Variants in KLRG1 observed in about 807,000 individuals in gnomAD.
KLRG1 encodes the protein killer cell lectin like receptor G1, also known as killer cell lectin-like receptor subfamily G member 1.
A neutral mutation model predicts 21.8 loss-of-function variants in KLRG1; 16 were observed. The ratio of observed to expected loss-of-function variants is 0.73; its 90% CI spans 0.50 to 1.11. The LOEUF (loss-of-function observed/expected upper bound fraction) is 1.11. KLRG1 is among the 50% of genes most tolerant of loss of function. KLRG1 has a pLI of 0.00. For synonymous variants in KLRG1, 69 were observed against 75.9 expected (o/e 0.91, Z 0.47); for missense variants, 173 against 218.3 (o/e 0.79, Z 1.31).
chr12:9,023,028 A>C, the KLRG1 span, among the ~76,000 whole-genome samples: 1 of 152,224 alleles, frequency 6.6e-6, no homozygotes, highest in Non-Finnish European at 1.5e-5. Context: ...ACAAATGAGT[A>C]AATGTTAAGT....
chr12:9,132,422 T>C, the KLRG1 span, among the ~76,000 whole-genome samples: 2 of 152,202 alleles, frequency 1.3e-5, no homozygotes, highest in African/African-American at 2.4e-5. Context: ...GACTGTGGCT[T>C]AGGGATTAGG....
At chr12:9,094,657 T>C in the KLRG1 span, among the ~76,000 whole-genome samples, 2 of 152,092 alleles carry the variant, frequency 1.3e-5, no homozygotes, top group African/African-American at 2.4e-5. Flanking sequence ...AACATAAATA[T>C]TGGCTGATGT....
chr12:9,151,288 GT>G, the KLRG1 span, among the ~76,000 whole-genome samples: 1 of 152,106 alleles, frequency 6.6e-6, no homozygotes, highest in Non-Finnish European at 1.5e-5. Flanking sequence ...ATCACTTCAA[GT>G]TTAATATTTA....
chr12:9,005,608 T>C (rs1421704691), intron 3 of KLRG1, among the ~76,000 whole-genome samples: 1 of 152,178 alleles, frequency 6.6e-6, no homozygotes, highest in Admixed American at 6.5e-5. Flanking sequence ...GGGAGAGTTA[T>C]GTTAAAGGAT....
At chr12:9,009,306 TG>T in intron 4 of KLRG1, 119 bp from the exon 5 acceptor site, 1 of 1,272,542 alleles carries the variant, frequency 7.9e-7, no homozygotes, top group Non-Finnish European at 1.1e-6. Flanking sequence ...TTCTGCTGTT[TG>T]GGGGAATTAG....
At chr12:9,118,179 G>A in the KLRG1 span, among the ~76,000 whole-genome samples, 1 of 152,150 alleles carries the variant, frequency 6.6e-6, no homozygotes, top group African/African-American at 2.4e-5. Flanking sequence ...AGAGGCTGGT[G>A]GTTGTTTCCT....
the KLRG1 span, chr12:9,192,057 T>C: frequency 1.4e-6 from 1 of 701,020 alleles, no homozygotes; most frequent in Non-Finnish European, 2.5e-6. Context: ...CAAAGAGTCA[T>C]AAGACGAGTA....
chr12:9,076,930 C>G, the KLRG1 span: 1 of 1,588,972 alleles, frequency 6.3e-7, no homozygotes, highest in Non-Finnish European at 8.6e-7. Context: ...TTGCGGACAA[C>G]AGGGTGCTGT....
chr12:9,155,123 TAG>T, the KLRG1 span, among the ~76,000 whole-genome samples: 1 of 152,214 alleles, frequency 6.6e-6, no homozygotes, highest in South Asian at 2.1e-4. Flanking sequence ...AGAAAAGTGG[TAG>T]AGAGAGTTCT....
chr12:9,047,716 C>T, the KLRG1 span, among the ~76,000 whole-genome samples: 1 of 151,982 alleles, frequency 6.6e-6, no homozygotes, highest in Non-Finnish European at 1.5e-5. Flanking sequence ...AAAAATATGC[C>T]AAGTTAACAC....
Position 9,009,855 on chromosome 12 carries a change from A to C in KLRG1, c.*318A>C. On this transcript the variant is annotated 3_prime_UTR_variant, in exon 5 of 5. Coordinates refer to ENST00000356986, the MANE Select transcript of KLRG1 (RefSeq NM_005810.4). ...CCCGTCCCAACCATCTCTGTCAAAA[A>C]TATACCTTTTTCATATGATATTCTG... is the stretch of plus-strand genomic sequence containing the variant. 1 of 1,471,176 alleles carries C rather than the reference A, an allele frequency of 6.8e-7. No homozygotes were observed. The highest frequency in any genetic ancestry group is 9.0e-7 in the Non-Finnish European group (1 of 1,115,550). 91.1% of individuals were successfully genotyped at this position (1,471,176 alleles called of 1,614,324 possible).
chr12:9,045,807 T>C, the KLRG1 span, among the ~76,000 whole-genome samples: 1 of 152,038 alleles, frequency 6.6e-6, no homozygotes, highest in Non-Finnish European at 1.5e-5. Flanking sequence ...CCATCAGTGA[T>C]AGACCAGATA....
chr12:9,202,012 C>T, the KLRG1 span, among the ~76,000 whole-genome samples: 1 of 151,958 alleles, frequency 6.6e-6, no homozygotes, highest in Non-Finnish European at 1.5e-5. Flanking sequence ...ATCATAAATT[C>T]CTTGAAAGTA....
the KLRG1 span, chr12:9,068,129 G>C: frequency 1.3e-5 from 20 of 1,585,566 alleles, no homozygotes; most frequent in East Asian, 3.4e-4. Flanking sequence ...AGAAGGTTTG[G>C]GGGGCAAGCT....
At chr12:9,156,130 T>C in the KLRG1 span, 1 of 222,614 alleles carries the variant, frequency 4.5e-6, no homozygotes, top group Non-Finnish European at 9.3e-6. Context: ...TCTCTGTTCT[T>C]TAAGTTTGTC....
the KLRG1 span, among the ~76,000 whole-genome samples, chr12:9,176,474 A>G: frequency 6.6e-6 from 1 of 151,858 alleles, no homozygotes; most frequent in Non-Finnish European, 1.5e-5. Context: ...TGAAGAAAGA[A>G]ATAAATAAAT....
the KLRG1 span, chr12:9,070,519 C>G: frequency 6.2e-7 from 1 of 1,613,748 alleles, no homozygotes; most frequent in Non-Finnish European, 8.5e-7. Context: ...GGGAATGAAG[C>G]CAGAGACCAT....
the KLRG1 span, chr12:9,101,154 C>A: frequency 6.4e-7 from 1 of 1,560,134 alleles, no homozygotes; most frequent in Non-Finnish European, 8.7e-7. Context: ...TGTCTTCCTG[C>A]TTCACAAGCA....
the KLRG1 span, among the ~76,000 whole-genome samples, chr12:9,094,340 CATATATATAT>C: frequency 8.8e-4 from 85 of 97,032 alleles, no homozygotes; most frequent in South Asian, 2.8e-3. Context: ...AAAAATTGTG[CATATATATAT>C]ATATATATAT....
Sources: allele counts gnomAD v4.1 joint callset (sites outside exome capture counted in the v4.1 genomes callset), GRCh38; gene constraint gnomAD v4.1.1; transcripts MANE v1.5; gene names NCBI Gene and HGNC (gene_info 2026-07-23, HGNC 2026-07-21).